Variants in IQCM observed in about 807,000 individuals in gnomAD.
The protein encoded by IQCM is IQ domain-containing protein M.
A neutral mutation model predicts 57.6 loss-of-function variants in IQCM; 45 were observed. The observed-to-expected ratio is 0.78, with a 90% CI of 0.62 to 1.00. IQCM has a LOEUF of 1.00. Among genes scored for constraint, IQCM ranks in the 50% least tolerant of loss-of-function variants. IQCM has a pLI of 0.00. For missense variants in IQCM, 468 were observed against 511.6 expected (o/e 0.91, Z 0.82); for synonymous variants, 148 against 158.9 (o/e 0.93, Z 0.51).
intron 2 of IQCM, among the ~76,000 whole-genome samples, chr4:149,797,122 G>C (rs1010191188): frequency 2.0e-5 from 3 of 152,090 alleles, no homozygotes; most frequent in Non-Finnish European, 4.4e-5. Flanking sequence ...CTTTCAGACA[G>C]AGCATTCAAA....
At chr4:149,523,840 T>C (rs1745900794) in intron 12 of IQCM, among the ~76,000 whole-genome samples, 1 of 152,100 alleles carries the variant, frequency 6.6e-6, no homozygotes, top group South Asian at 2.1e-4. Flanking sequence ...CCAATGATCT[T>C]CAAGTAAAAA....
intron 5 of IQCM, among the ~76,000 whole-genome samples, chr4:149,726,086 A>G (rs1376880789): frequency 3.6e-5 from 5 of 138,138 alleles, no homozygotes; most frequent in Admixed American, 1.5e-4. Context: ...AAAGAAAGAA[A>G]GAAAGAAAGA....
At chr4:149,460,331 T>C (rs755452938) in intron 12 of IQCM, among the ~76,000 whole-genome samples, 6 of 152,192 alleles carry the variant, frequency 3.9e-5, no homozygotes, top group Non-Finnish European at 8.8e-5. Context: ...ATAAGATACA[T>C]GATTTGCAAA....
chr4:149,657,392 C>A (rs1759732736), intron 7 of IQCM, among the ~76,000 whole-genome samples: 1 of 152,090 alleles, frequency 6.6e-6, no homozygotes. Flanking sequence ...ATATGTACCA[C>A]ATTTTGTCTA....
intron 12 of IQCM, among the ~76,000 whole-genome samples, chr4:149,456,373 T>G (rs914060867): frequency 6.6e-6 from 1 of 152,128 alleles, no homozygotes; most frequent in African/African-American, 2.4e-5. Flanking sequence ...GATTTCTAAT[T>G]TTTTTAAATT....
At chr4:149,710,858 G>A (rs62340693) in intron 5 of IQCM, 1 of 152,208 alleles carries the variant, frequency 6.6e-6, no homozygotes, top group South Asian at 2.1e-4. Context: ...GGGAGTAGCA[G>A]TAGTCCAATA....
intron 5 of IQCM, among the ~76,000 whole-genome samples, chr4:149,716,826 A>G (rs572897145): frequency 1.7e-3 from 262 of 152,310 alleles, no homozygotes; most frequent in African/African-American, 5.2e-3. Flanking sequence ...TTCATCAGAA[A>G]ATCCTTTAGG....
chr4:149,406,215 G>A (rs564171327), intron 13 of IQCM, among the ~76,000 whole-genome samples: 1 of 151,992 alleles, frequency 6.6e-6, no homozygotes. Flanking sequence ...CTCTGACCCT[G>A]TGGGATTCAT....
At chr4:149,656,984 A>T (rs1408057580) in intron 7 of IQCM, among the ~76,000 whole-genome samples, 3 of 152,102 alleles carry the variant, frequency 2.0e-5, no homozygotes, top group African/African-American at 7.2e-5. Flanking sequence ...CATTTCTCCA[A>T]ATGCTCTTCA....
Position 149,605,840 on chromosome 4 carries a change from G to C in IQCM, c.681+15289C>G, listed in dbSNP as rs904919082. Among the ~76,000 whole-genome samples, 92 of 152,014 alleles carry C rather than the reference G, an allele frequency of 6.1e-4. 2 individuals carry two copies. Among genetic ancestry groups the C allele is most frequent in the Non-Finnish European group, 7.4e-5 (5 of 68,012 alleles). On this transcript the variant is annotated intron_variant, in intron 8 of 13. Coordinates refer to ENST00000636793, the MANE Select transcript of IQCM (RefSeq NM_001363507.2). ...CAGTGAAGCTCAGAGAGAGATTTCT[G>C]CTTGGGGGAAGGCAAGGGAAGAGTA...
chr4:149,538,532 T>C (rs1384821794), intron 12 of IQCM, among the ~76,000 whole-genome samples: 23 of 152,072 alleles, frequency 1.5e-4, no homozygotes, highest in Middle Eastern at 3.4e-3. Context: ...GACATAAATG[T>C]AGCATATCAA....
chr4:149,365,579 G>A (rs951821804), intron 13 of IQCM, among the ~76,000 whole-genome samples: 1 of 152,102 alleles, frequency 6.6e-6, no homozygotes, highest in Non-Finnish European at 1.5e-5. Flanking sequence ...GCTTTATAAT[G>A]AAGAAATCTG....
chr4:149,684,775 C>T (rs2150210881), intron 6 of IQCM, among the ~76,000 whole-genome samples: 1 of 151,408 alleles, frequency 6.6e-6, no homozygotes, highest in Middle Eastern at 3.4e-3. Flanking sequence ...TTGTCTTTCC[C>T]CCTGCATTCC....
intron 7 of IQCM, among the ~76,000 whole-genome samples, chr4:149,625,426 G>A (rs1756707989): frequency 1.3e-5 from 2 of 152,170 alleles, no homozygotes; most frequent in African/African-American, 4.8e-5. Context: ...AACAAAGACT[G>A]ATTAACAAGA....
chr4:149,741,638 C>A (rs1409725220), intron 3 of IQCM, among the ~76,000 whole-genome samples: 2 of 152,178 alleles, frequency 1.3e-5, no homozygotes. Flanking sequence ...TCAGGGGTAA[C>A]AGGAGCCAAG....
At chr4:149,664,746 T>C (rs1007362944) in intron 7 of IQCM, among the ~76,000 whole-genome samples, 1 of 152,116 alleles carries the variant, frequency 6.6e-6, no homozygotes, top group Non-Finnish European at 1.5e-5. Flanking sequence ...AGACTGACTG[T>C]CTGGAAAGGC....
intron 2 of IQCM, among the ~76,000 whole-genome samples, chr4:149,769,128 T>C (rs1770326414): frequency 6.6e-6 from 1 of 152,062 alleles, no homozygotes; most frequent in Non-Finnish European, 1.5e-5. Flanking sequence ...ATTAGAACTT[T>C]CCTAAACTAC....
intron 11 of IQCM, among the ~76,000 whole-genome samples, chr4:149,549,052 C>G (rs1417804362): frequency 6.6e-6 from 1 of 152,058 alleles, no homozygotes. Context: ...AAAGTTGGCC[C>G]CTAATTGGGA....
chr4:149,543,452 T>C (rs1013373862), intron 12 of IQCM, among the ~76,000 whole-genome samples: 3 of 151,968 alleles, frequency 2.0e-5, no homozygotes, highest in African/African-American at 7.2e-5. Flanking sequence ...AGTGAGAATA[T>C]GCGGTGTTTG....
Sources: gnomAD v4.1 joint callset for allele counts (sites outside exome capture counted in the v4.1 genomes callset) on GRCh38, gnomAD v4.1.1 for gene constraint, MANE v1.5 for transcripts, NCBI Gene and HGNC (gene_info 2026-07-23, HGNC 2026-07-21) for gene names.